The following MXI1 variants were observed in gnomAD, a reference collection of about 807,000 sequenced individuals.
The protein encoded by MXI1 is MAX interactor 1, dimerization protein.
Under a neutral mutation model 36.9 loss-of-function variants are expected in MXI1, and 18 were observed. That is an observed-to-expected ratio of 0.49 (90% CI 0.34 to 0.72). The LOEUF (loss-of-function observed/expected upper bound fraction) is 0.72. MXI1 is among the 30% of genes least tolerant of loss of function. The pLI is 0.01. For missense variants in MXI1, 304 were observed against 379.1 expected, an observed-to-expected ratio of 0.80 and a Z score of 1.64; for synonymous variants, 160 against 146.7, an observed-to-expected ratio of 1.09 and a Z score of -0.65.
intron 2 of MXI1, among the ~76,000 whole-genome samples, chr10:110,236,124 CTT>C (rs60576710): frequency 3.3e-4 from 11 of 33,560 alleles, no homozygotes; most frequent in Admixed American, 9.6e-4. Context: ...GGTTGAAGTT[CTT>C]TTTTTTTTTT....
chr10:110,231,370 C>G (rs934467519), intron 2 of MXI1, among the ~76,000 whole-genome samples: 3 of 150,814 alleles, frequency 2.0e-5, no homozygotes, highest in Non-Finnish European at 3.0e-5. Flanking sequence ...CCACCCCCCC[C>G]CCCTCAAAAA....
At chr10:110,228,438 T>C in intron 2 of MXI1, 117 bp downstream of exon 2, 2 of 1,258,096 alleles carry the variant, frequency 1.6e-6, no homozygotes, top group Non-Finnish European at 2.2e-6. Flanking sequence ...CCCTGGGGAT[T>C]TGGCCCTTTT....
At chr10:110,268,486 T>C (rs1856755132) in intron 3 of MXI1, among the ~76,000 whole-genome samples, 1 of 152,188 alleles carries the variant, frequency 6.6e-6, no homozygotes, top group Admixed American at 6.5e-5. Flanking sequence ...TTTTACTTGA[T>C]AAAGAGGAGA....
At chr10:110,225,353 G>A (rs1854927880) in intron 1 of MXI1, among the ~76,000 whole-genome samples, 1 of 152,186 alleles carries the variant, frequency 6.6e-6, no homozygotes, top group Admixed American at 6.5e-5. Context: ...AGTGAGGAGA[G>A]GAGAAAGTTT....
chr10:110,214,515 C>G (rs1481752309), intron 1 of MXI1, among the ~76,000 whole-genome samples: 1 of 151,830 alleles, frequency 6.6e-6, no homozygotes, highest in African/African-American at 2.4e-5. Flanking sequence ...CATCAAAAGC[C>G]GGGTCTTTTG....
chr10:110,227,460 G>T, intron 1 of MXI1: 3 of 988,800 alleles, frequency 3.0e-6, no homozygotes, highest in Non-Finnish European at 3.6e-6. Context: ...GGAGACGGGT[G>T]GAGGGAAGTT....
At chr10:110,216,755 C>T (rs962277998) in intron 1 of MXI1, among the ~76,000 whole-genome samples, 1 of 141,954 alleles carries the variant, frequency 7.0e-6, no homozygotes, top group African/African-American at 2.7e-5. Context: ...CAACCTCTAC[C>T]TCCTGGGCTC....
chr10:110,264,452 G>A (rs1856620212), intron 3 of MXI1, among the ~76,000 whole-genome samples: 1 of 149,518 alleles, frequency 6.7e-6, no homozygotes, highest in African/African-American at 2.5e-5. Flanking sequence ...TGCAACTTCC[G>A]CCTCCCGGGT....
chr10:110,231,834 G>A (rs1472623594), intron 2 of MXI1, among the ~76,000 whole-genome samples: 1 of 152,196 alleles, frequency 6.6e-6, no homozygotes, highest in East Asian at 1.9e-4. Context: ...TGACTGCAGT[G>A]TAACACTGAT....
intron 3 of MXI1, among the ~76,000 whole-genome samples, chr10:110,251,548 T>G (rs1856088762): frequency 6.6e-6 from 1 of 152,152 alleles, no homozygotes; most frequent in Admixed American, 6.6e-5. Context: ...GTGGTCTATG[T>G]GATCATTTAG....
intron 3 of MXI1, among the ~76,000 whole-genome samples, chr10:110,247,850 T>A (rs1462901619): frequency 1.3e-5 from 2 of 152,208 alleles, no homozygotes; most frequent in East Asian, 3.8e-4. Context: ...ACTGGGTATA[T>A]ACCAAAAGGA....
intron 1 of MXI1, chr10:110,227,411 G>A (rs1590342303): frequency 2.0e-6 from 2 of 988,506 alleles, no homozygotes; most frequent in Non-Finnish European, 2.4e-6. Flanking sequence ...GCGAGGGTGC[G>A]CACGGAGGGT....
intron 3 of MXI1, among the ~76,000 whole-genome samples, chr10:110,256,906 G>A (rs1203695246): frequency 1.3e-5 from 2 of 152,210 alleles, no homozygotes; most frequent in African/African-American, 2.4e-5. Flanking sequence ...CTTAAGACAT[G>A]TAATTAACCA....
chr10:110,253,601 C>A (rs1023795713), intron 3 of MXI1, among the ~76,000 whole-genome samples: 1 of 152,070 alleles, frequency 6.6e-6, no homozygotes, highest in Non-Finnish European at 1.5e-5. Context: ...AAAACTCTTA[C>A]CTCAACTAAT....
intron 1 of MXI1, among the ~76,000 whole-genome samples, chr10:110,216,665 G>GTTTTTTTTTTGTTTTTTTTTTTTTT (rs1854645560): frequency 6.3e-5 from 5 of 79,060 alleles, no homozygotes; most frequent in African/African-American, 4.0e-4. Context: ...TGTGTTTAAT[G>GTTTTTTTTTTGTTTTTTTTTTTTTT]TTTTTTTTTT....
At chr10:110,242,977 A>G (rs1409706041) in intron 2 of MXI1, among the ~76,000 whole-genome samples, 1 of 152,050 alleles carries the variant, frequency 6.6e-6, no homozygotes, top group Non-Finnish European at 1.5e-5. Flanking sequence ...CAATTAAACC[A>G]AAACTTGCTC....
intron 3 of MXI1, chr10:110,261,024 C>A: frequency 2.0e-6 from 2 of 985,182 alleles, no homozygotes; most frequent in Non-Finnish European, 2.4e-6. Flanking sequence ...CCAGTGATCA[C>A]TGGATGGAGT....
chr10:110,216,665 G>GTT (rs10656872), intron 1 of MXI1, among the ~76,000 whole-genome samples: 2,081 of 78,912 alleles, frequency 0.026, 243 homozygotes, highest in African/African-American at 0.049. Context: ...TGTGTTTAAT[G>GTT]TTTTTTTTTT....
intron 3 of MXI1, among the ~76,000 whole-genome samples, chr10:110,271,655 G>A (rs1856857712): frequency 6.6e-6 from 1 of 152,166 alleles, no homozygotes; most frequent in Admixed American, 6.5e-5. Flanking sequence ...GCAAGGGTAT[G>A]AGTTATGGGA....
Sources: allele counts gnomAD v4.1 joint callset (sites outside exome capture counted in the v4.1 genomes callset), GRCh38; gene constraint gnomAD v4.1.1; transcripts MANE v1.5; gene names NCBI Gene and HGNC (gene_info 2026-07-23, HGNC 2026-07-21).